Variants in CDH18 observed in about 807,000 individuals in gnomAD.
The protein encoded by CDH18 is cadherin-18.
In CDH18, 31 loss-of-function variants were observed where a neutral mutation model predicts 67.9. That is an observed-to-expected ratio of 0.46 (90% CI 0.34 to 0.62). The LOEUF is 0.62. Ranked by LOEUF, CDH18 falls within the 20% of genes least tolerant of loss-of-function variation. The pLI, the probability that CDH18 is intolerant of heterozygous loss-of-function variation, is 0.01. For synonymous variants in CDH18, 362 were observed against 347.2 expected (o/e 1.04, Z -0.48); for missense variants, 890 against 975.5 (o/e 0.91, Z 1.17).
intron 1 of CDH18, among the ~76,000 whole-genome samples, chr5:20,518,321 G>A (rs1321645832): frequency 6.6e-6 from 1 of 152,046 alleles, no homozygotes; most frequent in African/African-American, 2.4e-5. Flanking sequence ...ATTAATGAGT[G>A]GTCAGGGATA....
At chr5:20,339,716 C>A (rs1359941228) in intron 1 of CDH18, among the ~76,000 whole-genome samples, 1 of 152,150 alleles carries the variant, frequency 6.6e-6, no homozygotes, top group East Asian at 1.9e-4. Flanking sequence ...AGGTACAGGT[C>A]CTCTTTTCTA....
intron 7 of CDH18, among the ~76,000 whole-genome samples, chr5:19,572,857 T>G (rs1051474829): frequency 3.7e-4 from 57 of 152,268 alleles, no homozygotes; most frequent in African/African-American, 1.3e-3. Context: ...AGAGGATCCT[T>G]ATCAGGATCC....
intron 6 of CDH18, among the ~76,000 whole-genome samples, chr5:19,595,374 G>A (rs2150044497): frequency 6.6e-6 from 1 of 152,274 alleles, no homozygotes. Flanking sequence ...CAGTGTTCAT[G>A]GTTTAAAATA....
chr5:19,675,982 T>TA (rs888734513), intron 5 of CDH18, among the ~76,000 whole-genome samples: 126 of 143,150 alleles, frequency 8.8e-4, no homozygotes, highest in Admixed American at 1.1e-3. Flanking sequence ...CAACAATCAT[T>TA]AAAAAAAAAA....
chr5:19,706,923 G>A (rs544956236), intron 5 of CDH18, among the ~76,000 whole-genome samples: 69 of 152,250 alleles, frequency 4.5e-4, no homozygotes, highest in African/African-American at 1.6e-3. Flanking sequence ...CCTGCCTAAA[G>A]GCCAGATGCT....
At chr5:20,190,819 C>T (rs537454271) in intron 2 of CDH18, among the ~76,000 whole-genome samples, 1 of 152,120 alleles carries the variant, frequency 6.6e-6, no homozygotes, top group Non-Finnish European at 1.5e-5. Flanking sequence ...CCTTCCTGCT[C>T]CATGCTCTAA....
chr5:20,201,238 G>C lies in CDH18; in HGVS notation c.-518+54206C>G, dbSNP rs567913489. Among the ~76,000 whole-genome samples the C allele has an allele frequency of 2.6e-4, 39 of 151,738 alleles. 1 individual carries two copies. The South Asian group carries it at 8.1e-3, about 32-fold the overall frequency. On this transcript the variant is annotated intron_variant, in intron 2 of 14. Coordinates refer to the CDH18 transcript ENST00000507958. ...GTCCTCCTACAGCCATCTTCTCTCT[G>C]TGTGCCTGTATTCACATTTTCTCTT...
At chr5:19,840,212 A>G (rs10941512) in intron 2 of CDH18, among the ~76,000 whole-genome samples, 72,019 of 146,958 alleles carry the variant, frequency 0.49, 17,938 homozygotes, top group Middle Eastern at 0.63. Flanking sequence ...AGCTTGCAGT[A>G]AGCCTAGATC....
At chr5:20,352,994 A>G (rs1284616960) in intron 1 of CDH18, among the ~76,000 whole-genome samples, 1 of 152,208 alleles carries the variant, frequency 6.6e-6, no homozygotes, top group Non-Finnish European at 1.5e-5. Flanking sequence ...CTCTTATGGA[A>G]GCCTTTATGG....
At chr5:20,153,029 G>A (rs9885136) in intron 2 of CDH18, among the ~76,000 whole-genome samples, 4,722 of 144,678 alleles carry the variant, frequency 0.033, 261 homozygotes, top group African/African-American at 0.11. Flanking sequence ...TGCAACCTCC[G>A]CCTCCCAGGT....
chr5:20,071,508 T>C (rs910485926), intron 2 of CDH18, among the ~76,000 whole-genome samples: 2 of 152,108 alleles, frequency 1.3e-5, no homozygotes, highest in African/African-American at 4.8e-5. Flanking sequence ...TATTTACTTA[T>C]ACTTCAGAAT....
intron 6 of CDH18, among the ~76,000 whole-genome samples, chr5:19,601,624 C>T (rs765636076): frequency 2.9e-5 from 2 of 69,032 alleles, no homozygotes; most frequent in Non-Finnish European, 6.4e-5. Flanking sequence ...TCTCCTGAAA[C>T]CAAAAATAGA....
chr5:19,835,175 G>A (rs1240043535), intron 3 of CDH18, among the ~76,000 whole-genome samples: 3 of 152,128 alleles, frequency 2.0e-5, no homozygotes, highest in African/African-American at 7.2e-5. Flanking sequence ...TATACACCAT[G>A]GAGTAGTATG....
At chr5:20,361,816 T>C (rs1257813804) in intron 1 of CDH18, among the ~76,000 whole-genome samples, 1 of 152,168 alleles carries the variant, frequency 6.6e-6, no homozygotes, top group Non-Finnish European at 1.5e-5. Flanking sequence ...TTAGCTTATT[T>C]CCACTGTTTT....
At chr5:20,056,473 C>CTTTTTT (rs1561754004) in intron 2 of CDH18, among the ~76,000 whole-genome samples, 7 of 13,554 alleles carry the variant, frequency 5.2e-4, no homozygotes, top group Non-Finnish European at 8.2e-4. Flanking sequence ...TATTTTCTTT[C>CTTTTTT]TTTTGTTTTT....
intron 2 of CDH18, among the ~76,000 whole-genome samples, chr5:20,181,584 A>C (rs1737689981): frequency 6.6e-6 from 1 of 152,086 alleles, no homozygotes; most frequent in South Asian, 2.1e-4. Flanking sequence ...CTTGCTTCGA[A>C]CTGCTGAATT....
chr5:19,726,473 T>C (rs1311853624), intron 4 of CDH18, among the ~76,000 whole-genome samples: 1 of 152,096 alleles, frequency 6.6e-6, no homozygotes, highest in East Asian at 1.9e-4. Context: ...AGTACACAGA[T>C]TGCTGGTTGA....
chr5:19,712,000 T>G (rs2150532728), intron 5 of CDH18, among the ~76,000 whole-genome samples: 1 of 152,228 alleles, frequency 6.6e-6, no homozygotes, highest in Non-Finnish European at 1.5e-5. Context: ...AAATCATGTC[T>G]TTTGCAGGAA....
intron 2 of CDH18, among the ~76,000 whole-genome samples, chr5:20,249,399 T>TG (rs1274068968): frequency 2.0e-5 from 3 of 151,046 alleles, no homozygotes; most frequent in Non-Finnish European, 4.4e-5. Flanking sequence ...TTTTTTTTTT[T>TG]TGAGACGGAG....
Sources: gnomAD v4.1 joint callset for allele counts (sites outside exome capture counted in the v4.1 genomes callset) on GRCh38, gnomAD v4.1.1 for gene constraint, MANE v1.5 for transcripts, NCBI Gene and HGNC (gene_info 2026-07-23, HGNC 2026-07-21) for gene names.